Variants in BEND3 observed in about 807,000 individuals in gnomAD.
BEND3 encodes BEN domain containing 3, also known as BEN domain-containing protein 3.
In BEND3, 13 loss-of-function variants were observed where a neutral mutation model predicts 60.1. The observed-to-expected ratio is 0.22, with a 90% confidence interval of 0.14 to 0.34. The LOEUF (loss-of-function observed/expected upper bound fraction) is 0.34, where lower values mean the gene tolerates loss of function less well. Ranked by LOEUF, BEND3 falls within the 10% of genes least tolerant of loss-of-function variation. The pLI, the probability that BEND3 is intolerant of heterozygous loss-of-function variation, is 1.00. For missense variants in BEND3, 896 were observed against 1,138.1 expected (o/e 0.79, Z 3.06); for synonymous variants, 497 against 491.5 (o/e 1.01, Z -0.15).
chr6:107,068,262 C>T lies in BEND3; in HGVS notation c.*442G>A, dbSNP rs1774872576. On this transcript the variant is annotated 3_prime_UTR_variant, in exon 4 of 4. Transcript: ENST00000369042. The surrounding 1 kb of genome is among the most constrained non-coding windows in gnomAD (Gnocchi z 5.8). ...GAGATTTTTTTCTAAGTAAAATGGCCCCCAAAGAGCCCAATGATTTTTTTT... is the reference window on the plus strand; with the variant it reads ...GAGATTTTTTTCTAAGTAAAATGGCTCCCAAAGAGCCCAATGATTTTTTTT... 1 of 155,378 alleles carries T rather than the reference C, an allele frequency of 6.4e-6. No individual in the cohort carries two copies. The highest frequency in any genetic ancestry group is 2.0e-4 in the South Asian group (1 of 4,898). 9.6% of individuals were successfully genotyped at this position (155,378 alleles called of 1,614,324 possible).
chr6:107,077,130 G>T (rs1775117126), intron 3 of BEND3, among the ~76,000 whole-genome samples: 1 of 152,074 alleles, frequency 6.6e-6, no homozygotes, highest in Non-Finnish European at 1.5e-5. Context: ...AATTTCTAAT[G>T]ATCTCTTTCT....
At chr6:107,086,638 A>G (rs1398223797) in intron 3 of BEND3, among the ~76,000 whole-genome samples, 2 of 151,822 alleles carry the variant, frequency 1.3e-5, no homozygotes, top group Non-Finnish European at 2.9e-5. Flanking sequence ...CAAATCCAGG[A>G]CTGGAGAATG....
At position 107,069,820 on chromosome 6, in the gene BEND3, G is replaced by A; in HGVS notation, c.1371C>T (p.Ile457=). ...RLQIIRNYTE[I]YFPDMQEEEA... ...CCTCCTCCTGCATGTCAGGGAAGTA[G>A]ATCTCCGTGTAGTTGCGGATGATCT... The change falls in exon 4 of 4, where the codon ATC becomes ATT. Residue 457 remains isoleucine (I), a synonymous_variant. Coordinates refer to ENST00000369042, the MANE Select transcript of BEND3 (RefSeq NM_001367314.1). 1 of 1,613,540 alleles carries A rather than the reference G, an allele frequency of 6.2e-7. No homozygotes were observed. The highest frequency in any genetic ancestry group is 1.1e-5 in the South Asian group (1 of 91,086).
intron 1 of BEND3, among the ~76,000 whole-genome samples, chr6:107,112,209 C>T (rs554032340): frequency 3.7e-4 from 57 of 152,178 alleles, no homozygotes; most frequent in African/African-American, 1.4e-3. Flanking sequence ...TTCTAGGCAG[C>T]GCTAAAAAGT....
chr6:107,088,705 G>GC (rs1405394630), intron 3 of BEND3, among the ~76,000 whole-genome samples: 1 of 152,162 alleles, frequency 6.6e-6, no homozygotes, highest in African/African-American at 2.4e-5. Flanking sequence ...ACAATCAAAT[G>GC]CAGTAAAACT....
intron 3 of BEND3, among the ~76,000 whole-genome samples, chr6:107,095,308 G>T (rs1562311587): frequency 6.6e-6 from 1 of 151,968 alleles, no homozygotes; most frequent in East Asian, 1.9e-4. Context: ...GCAACATAGT[G>T]AGACCACCTT....
rs1206702183 is a variant in BEND3 at position 107,073,241 on chromosome 6, ATATATATATATATATATATATATG to A, written c.241-2315_241-2292del. Among the ~76,000 whole-genome samples, 96 of 19,962 alleles carry A rather than the reference ATATATATATATATATATATATATG, an allele frequency of 4.8e-3. 5 individuals are homozygous for A. Among genetic ancestry groups the A allele is most frequent in the African/African-American group, 0.013 (89 of 6,764 alleles). The allele number at this position is 19,962 out of a possible 152,430, so 13.1% of individuals were successfully genotyped here. A position where few individuals can be genotyped will look rare whatever the true frequency, so the allele number is the denominator to read the frequency against. On this transcript the variant is annotated intron_variant, in intron 3 of 3. Coordinates refer to ENST00000369042, the MANE Select transcript of BEND3 (RefSeq NM_001367314.1). ...TATATATATATATATATATATATATATATATATATATATATATATATATGTATGTGAGCAAATGGTCAGTGGCAA... is the reference window on the plus strand; with the variant it reads ...TATATATATATATATATATATATATATATGTGAGCAAATGGTCAGTGGCAA...
intron 3 of BEND3, among the ~76,000 whole-genome samples, chr6:107,091,742 A>C (rs1369477158): frequency 6.6e-6 from 1 of 152,220 alleles, no homozygotes; most frequent in East Asian, 1.9e-4. Flanking sequence ...AAAATGATAC[A>C]ATTTCTCTAC....
At chr6:107,112,338 G>A (rs1470012113) in intron 1 of BEND3, among the ~76,000 whole-genome samples, 1 of 152,124 alleles carries the variant, frequency 6.6e-6, no homozygotes, top group African/African-American at 2.4e-5. Flanking sequence ...TGCTCACACA[G>A]GGGTGCTTAG....
intron 3 of BEND3, among the ~76,000 whole-genome samples, chr6:107,073,508 AG>A (rs1775036470): frequency 6.6e-6 from 1 of 151,968 alleles, no homozygotes; most frequent in Non-Finnish European, 1.5e-5. Context: ...CCCAGTGCCT[AG>A]CAAAGTGCCC....
At chr6:107,112,878 G>T (rs1311179291) in intron 1 of BEND3, among the ~76,000 whole-genome samples, 1 of 151,708 alleles carries the variant, frequency 6.6e-6, no homozygotes, top group South Asian at 2.1e-4. Flanking sequence ...AAAAAGAAAG[G>T]CTGGGCGCGG....
chr6:107,095,757 C>T (rs1478182449), intron 3 of BEND3, among the ~76,000 whole-genome samples: 3 of 152,152 alleles, frequency 2.0e-5, no homozygotes, highest in African/African-American at 7.2e-5. Context: ...GGAGGAAACT[C>T]AAATGCATAT....
At chr6:107,080,673 G>A (rs781876910) in intron 3 of BEND3, among the ~76,000 whole-genome samples, 1 of 152,024 alleles carries the variant, frequency 6.6e-6, no homozygotes, top group Non-Finnish European at 1.5e-5. Flanking sequence ...CCTGAGGTCA[G>A]GAGTTCGAGA....
At chr6:107,089,125 G>A (rs1241939432) in intron 3 of BEND3, among the ~76,000 whole-genome samples, 1 of 126,602 alleles carries the variant, frequency 7.9e-6, no homozygotes, top group Admixed American at 8.7e-5. Context: ...GCAAAAGATC[G>A]AGACTCCGTC....
intron 1 of BEND3, among the ~76,000 whole-genome samples, chr6:107,104,966 C>T (rs1775782206): frequency 6.6e-6 from 1 of 152,254 alleles, no homozygotes. Context: ...TGTCCAGCTC[C>T]AGCTTCTGGA....
Position 107,067,220 on chromosome 6 carries a change from G to A in BEND3, c.*1484C>T, listed in dbSNP as rs1308449160. 1 of 152,166 alleles carries A rather than the reference G, an allele frequency of 6.6e-6. No homozygotes were observed. Among genetic ancestry groups the A allele is most frequent in the Non-Finnish European group, 1.5e-5 (1 of 68,022 alleles). The allele number at this position is 152,166 out of a possible 1,614,324, so 9.4% of individuals were successfully genotyped here. A position where few individuals can be genotyped will look rare whatever the true frequency, so the allele number is the denominator to read the frequency against. ...TCTGTTATCTCTGCATTTTAAAGTA[G>A]CAAAATATTAAGCCATCCCACAGGG... is the stretch of plus-strand genomic sequence containing the variant. On this transcript the variant is annotated 3_prime_UTR_variant, in exon 4 of 4. Transcript: ENST00000369042.
intron 3 of BEND3, among the ~76,000 whole-genome samples, chr6:107,086,321 G>A (rs1239127143): frequency 1.3e-5 from 2 of 152,152 alleles, no homozygotes; most frequent in East Asian, 3.9e-4. Flanking sequence ...AGAGATCCAG[G>A]GTTGCTAAAA....
At chr6:107,113,089 C>A (rs539578035) in intron 1 of BEND3, among the ~76,000 whole-genome samples, 1 of 151,454 alleles carries the variant, frequency 6.6e-6, no homozygotes, top group South Asian at 2.1e-4. Flanking sequence ...ACCTGGGAGG[C>A]GGAAGTTGCA....
chr6:107,083,574 C>A (rs1775276522), intron 3 of BEND3, among the ~76,000 whole-genome samples: 2 of 151,974 alleles, frequency 1.3e-5, no homozygotes, highest in Non-Finnish European at 2.9e-5. Context: ...GGGGTTGAGG[C>A]TGCAGTGAGC....
Sources: allele counts gnomAD v4.1 joint callset (sites outside exome capture counted in the v4.1 genomes callset), GRCh38; gene constraint gnomAD v4.1.1; non-coding constraint Gnocchi (gnomAD v3.1); transcripts MANE v1.5; gene names NCBI Gene and HGNC (gene_info 2026-07-23, HGNC 2026-07-21).